The following MAF variants were observed in gnomAD, a reference collection of about 807,000 sequenced individuals.
MAF encodes transcription factor Maf.
MAF carries 10 observed loss-of-function variants against 22.0 expected under a neutral mutation model. That is an observed-to-expected ratio of 0.45 (90% CI 0.28 to 0.77). MAF has a LOEUF of 0.77. Among genes scored for constraint, MAF ranks in the 30% least tolerant of loss-of-function variants. The pLI is 0.12. For synonymous variants in MAF, 337 were observed against 255.8 expected, an observed-to-expected ratio of 1.32 and a Z score of -3.03; for missense variants, 544 against 548.4, an observed-to-expected ratio of 0.99 and a Z score of 0.08.
the MAF span, among the ~76,000 whole-genome samples, chr16:79,230,455 C>T: frequency 2.6e-4 from 40 of 152,264 alleles, 1 homozygote; most frequent in East Asian, 5.8e-4. Context: ...TGCCCTTGCC[C>T]GGGTGGGCGG....
At chr16:79,479,080 G>A in the MAF span, among the ~76,000 whole-genome samples, 5 of 140,880 alleles carry the variant, frequency 3.5e-5, no homozygotes, top group Non-Finnish European at 6.1e-5. Flanking sequence ...CATTGGTATA[G>A]CATTCTAGTG....
chr16:79,233,091 C>G, the MAF span, among the ~76,000 whole-genome samples: 1 of 151,902 alleles, frequency 6.6e-6, no homozygotes, highest in South Asian at 2.1e-4. Context: ...CTGCCCACCT[C>G]GGCCTCCCAA....
chr16:79,217,813 G>T, the MAF span, among the ~76,000 whole-genome samples: 1 of 151,932 alleles, frequency 6.6e-6, no homozygotes, highest in African/African-American at 2.4e-5. Flanking sequence ...ATGACTGAAG[G>T]CTGTGGCTTG....
At chr16:79,281,155 G>A in the MAF span, among the ~76,000 whole-genome samples, 1 of 151,758 alleles carries the variant, frequency 6.6e-6, no homozygotes, top group Non-Finnish European at 1.5e-5. Flanking sequence ...GAAGATAGGA[G>A]GTTGGACGGA....
the MAF span, among the ~76,000 whole-genome samples, chr16:79,455,778 G>A: frequency 6.6e-6 from 1 of 152,180 alleles, no homozygotes; most frequent in African/African-American, 2.4e-5. Flanking sequence ...AACACTTTGG[G>A]GGACCAAGGT....
the MAF span, among the ~76,000 whole-genome samples, chr16:79,423,005 C>T: frequency 6.6e-6 from 1 of 152,050 alleles, no homozygotes; most frequent in Non-Finnish European, 1.5e-5. Flanking sequence ...GGAAAGGAAA[C>T]TTTGAGGATG....
chr16:79,585,858 C>A, exon 2 of MAF: 2 of 621,280 alleles, frequency 3.2e-6, no homozygotes, highest in Non-Finnish European at 5.6e-6. Flanking sequence ...CAAGCACATG[C>A]AAATCAAAAA....
the MAF span, among the ~76,000 whole-genome samples, chr16:79,391,413 G>A: frequency 2.5e-4 from 38 of 152,254 alleles, no homozygotes; most frequent in African/African-American, 8.4e-4. Flanking sequence ...CAGATAGGAG[G>A]GAAGCAATTG....
At chr16:79,424,600 G>A in the MAF span, among the ~76,000 whole-genome samples, 1 of 152,018 alleles carries the variant, frequency 6.6e-6, no homozygotes. Context: ...ATGTTTCTGT[G>A]AGCCCCTGAA....
At chr16:79,544,931 G>C in the MAF span, among the ~76,000 whole-genome samples, 1 of 152,110 alleles carries the variant, frequency 6.6e-6, no homozygotes, top group Non-Finnish European at 1.5e-5. Flanking sequence ...CCTTAGACAG[G>C]ACTTTCATGT....
chr16:79,511,801 A>C, the MAF span, among the ~76,000 whole-genome samples: 2 of 152,222 alleles, frequency 1.3e-5, no homozygotes, highest in African/African-American at 2.4e-5. Context: ...AGGGTCACAC[A>C]TCTCACACTA....
At chr16:79,578,059 T>C in the MAF span, among the ~76,000 whole-genome samples, 3 of 152,156 alleles carry the variant, frequency 2.0e-5, no homozygotes, top group African/African-American at 7.2e-5. Flanking sequence ...AATGAGCCCA[T>C]AATAAATAGC....
Position 79,597,018 on chromosome 16 carries a change from T to G in MAF, c.1118+1767A>C. 6.6e-6 allele frequency: 7 copies of G among 1,055,822 alleles called. No individual in the cohort carries two copies. In the South Asian group the frequency reaches 3.2e-4, roughly 48 times the overall value. The allele number at this position is 1,055,822 out of a possible 1,614,324, so 65.4% of individuals were successfully genotyped here. On this transcript the variant is annotated intron_variant, in intron 1 of 1. Coordinates refer to ENST00000326043, the MANE Select transcript of MAF (RefSeq NM_005360.5). ...CCCTACAGATATAAACAGGGGCGTT[T>G]CCCCTCTTAATACTTTGGTTTTCAA...
chr16:79,282,478 G>C, the MAF span, among the ~76,000 whole-genome samples: 10 of 152,272 alleles, frequency 6.6e-5, no homozygotes, highest in African/African-American at 1.2e-4. Context: ...CAAAGAGTGG[G>C]AGCCTGAATC....
the MAF span, among the ~76,000 whole-genome samples, chr16:79,477,581 G>A: frequency 6.6e-5 from 10 of 152,142 alleles, no homozygotes; most frequent in East Asian, 1.9e-4. Context: ...AACACTTAGA[G>A]CCTTAACATT....
intron 1 of MAF, chr16:79,597,764 A>C: frequency 9.8e-7 from 1 of 1,022,256 alleles, no homozygotes; most frequent in Non-Finnish European, 1.2e-6. Context: ...AAAAAAAAGG[A>C]AAAAATAATT....
the MAF span, among the ~76,000 whole-genome samples, chr16:79,270,218 C>A: frequency 6.6e-6 from 1 of 151,814 alleles, no homozygotes; most frequent in African/African-American, 2.4e-5. Context: ...AGAAGGTACC[C>A]CTTTAAAAAA....
chr16:79,298,103 C>A, the MAF span, among the ~76,000 whole-genome samples: 1 of 152,236 alleles, frequency 6.6e-6, no homozygotes, highest in African/African-American at 2.4e-5. Flanking sequence ...ATACCAAGGG[C>A]CGGGTGCCAC....
chr16:79,417,211 T>C, the MAF span, among the ~76,000 whole-genome samples: 8 of 152,230 alleles, frequency 5.3e-5, no homozygotes, highest in East Asian at 3.9e-4. Flanking sequence ...AATTCTTTAA[T>C]GGACTCTGGG....
Sources: gnomAD v4.1 joint callset for allele counts (sites outside exome capture counted in the v4.1 genomes callset) on GRCh38, gnomAD v4.1.1 for gene constraint, MANE v1.5 for transcripts, NCBI Gene and HGNC (gene_info 2026-07-23, HGNC 2026-07-21) for gene names.